C19orf81: variants seen among roughly 807,000 people sequenced by gnomAD.
C19orf81 encodes putative uncharacterized protein C19orf81.
In C19orf81, 19 loss-of-function variants were observed where a neutral mutation model predicts 22.1. The observed-to-expected ratio is 0.86, with a 90% CI of 0.60 to 1.26. The LOEUF (loss-of-function observed/expected upper bound fraction) is 1.26, where lower values mean the gene tolerates loss of function less well. C19orf81 is among the 50% of genes most tolerant of loss of function. The pLI, the probability that C19orf81 is intolerant of heterozygous loss-of-function variation, is 0.00. For synonymous variants in C19orf81, 108 were observed against 113.1 expected (o/e 0.95, Z 0.29); for missense variants, 287 against 280.7 (o/e 1.02, Z -0.16).
chr19:50,656,374 GCA>G lies in C19orf81; in HGVS notation c.261+31_261+32del, dbSNP rs765432133. 44 of 1,520,924 alleles carry G rather than the reference GCA, an allele frequency of 2.9e-5. No homozygotes were observed. The East Asian group carries it at 7.9e-4, about 27-fold the overall frequency. The allele number at this position is 1,520,924 out of a possible 1,614,324, so 94.2% of individuals were successfully genotyped here. A position where few individuals can be genotyped will look rare whatever the true frequency, so the allele number is the denominator to read the frequency against. On this transcript the variant is annotated intron_variant, in intron 3 of 4. Coordinates refer to ENST00000425202, the MANE Select transcript of C19orf81 (RefSeq NM_001195076.2). ...GAGTGGACCTGTGCCCTTATTTTCT[GCA>G]CAGTTTTGGTGGGGTGATGGGAAGG... is the stretch of plus-strand genomic sequence containing the variant.
chr19:50,653,510 G>A (rs1024397811), intron 1 of C19orf81, among the ~76,000 whole-genome samples: 3 of 152,022 alleles, frequency 2.0e-5, no homozygotes, highest in Admixed American at 6.6e-5. Flanking sequence ...AGGGGATCCC[G>A]TGAAAATGTA....
chr19:50,657,313 C>G (rs1048107444), intron 3 of C19orf81, among the ~76,000 whole-genome samples: 1 of 152,220 alleles, frequency 6.6e-6, no homozygotes, highest in African/African-American at 2.4e-5. Context: ...AAGGGACTCT[C>G]CAGCCTCCCC....
intron 3 of C19orf81, 45 bp downstream of exon 3, chr19:50,656,391 T>C: frequency 6.6e-7 from 1 of 1,506,184 alleles, no homozygotes; most frequent in Non-Finnish European, 8.9e-7. Flanking sequence ...TTTGGTGGGG[T>C]GATGGGAAGG....
intron 1 of C19orf81, among the ~76,000 whole-genome samples, chr19:50,651,796 C>T (rs1377362895): frequency 1.3e-5 from 2 of 151,776 alleles, no homozygotes; most frequent in African/African-American, 4.8e-5. Flanking sequence ...AATTTAATTA[C>T]ACATATACAT....
intron 1 of C19orf81, among the ~76,000 whole-genome samples, chr19:50,654,685 A>G (rs981883825): frequency 6.8e-6 from 1 of 147,002 alleles, no homozygotes; most frequent in African/African-American, 2.5e-5. Flanking sequence ...GCTGAAGTGC[A>G]TTGGTACAAT....
At chr19:50,651,595 T>G (rs554600393) in intron 1 of C19orf81, among the ~76,000 whole-genome samples, 13 of 151,980 alleles carry the variant, frequency 8.6e-5, no homozygotes, top group Non-Finnish European at 1.3e-4. Context: ...ACCAGCTACT[T>G]GGGAGGCTGA....
intron 1 of C19orf81, among the ~76,000 whole-genome samples, chr19:50,651,794 T>C (rs1984883822): frequency 1.3e-5 from 2 of 152,174 alleles, no homozygotes; most frequent in Admixed American, 1.3e-4. Context: ...TTAATTTAAT[T>C]ACACATATAC....
intron 1 of C19orf81, among the ~76,000 whole-genome samples, chr19:50,651,520 C>G (rs1167973863): frequency 6.6e-6 from 1 of 152,106 alleles, no homozygotes; most frequent in East Asian, 1.9e-4. Flanking sequence ...TCTCATTCAT[C>G]TCTTGGTCCC....
rs926674507 is a variant in C19orf81, at chr19:50,653,698, A to G, written c.68-2352A>G. Among the ~76,000 whole-genome samples the G allele has an allele frequency of 4.4e-3, 584 of 134,092 alleles. 6 individuals are homozygous for G. The highest frequency in any genetic ancestry group is 0.019 in the African/African-American group (550 of 29,028). The allele number at this position is 134,092 out of a possible 152,430, so 88.0% of individuals were successfully genotyped here. A position where few individuals can be genotyped will look rare whatever the true frequency, so the allele number is the denominator to read the frequency against. ...TGAGAGACAGCACACACACACACAC[A>G]CACACACACACACACACACACACAC... is the stretch of plus-strand genomic sequence containing the variant. On this transcript the variant is annotated intron_variant, in intron 1 of 4. Coordinates refer to ENST00000425202, the MANE Select transcript of C19orf81 (RefSeq NM_001195076.2).
At chr19:50,658,760 A>T (rs1985063403) in intron 4 of C19orf81, among the ~76,000 whole-genome samples, 187 bp from the exon 5 acceptor site, 1 of 151,916 alleles carries the variant, frequency 6.6e-6, no homozygotes, top group Non-Finnish European at 1.5e-5. Flanking sequence ...CCAGGCTAAG[A>T]GAGCGTAAGG....
intron 3 of C19orf81, among the ~76,000 whole-genome samples, chr19:50,656,674 G>A (rs1462321217): frequency 4.6e-5 from 7 of 152,230 alleles, no homozygotes; most frequent in Admixed American, 2.0e-4. Flanking sequence ...CATGTGTGTC[G>A]GGTGCGGTGG....
At position 50,649,685 on chromosome 19, in the gene C19orf81, C is replaced by T; in HGVS notation, c.67+174C>T. 6 of 743,222 alleles carry T rather than the reference C, an allele frequency of 8.1e-6. No individual in the cohort carries two copies. The Admixed American group carries it at 1.0e-4, about 13-fold the overall frequency. 46.0% of individuals were successfully genotyped at this position (743,222 alleles called of 1,614,324 possible). The stretch of plus-strand genomic sequence containing the variant: ...GAGAGCGGCCCCCTTGGACCTCAAA[C>T]TACATTTCCCATGAGCCTCTGCAGT... On this transcript the variant is annotated intron_variant, in intron 1 of 4. Transcript: ENST00000425202.
chr19:50,655,565 C>T (rs965938059), intron 1 of C19orf81, among the ~76,000 whole-genome samples: 2 of 151,868 alleles, frequency 1.3e-5, no homozygotes, highest in Non-Finnish European at 2.9e-5. Flanking sequence ...AGGAGAATGG[C>T]GTGAACCCGG....
intron 1 of C19orf81, among the ~76,000 whole-genome samples, chr19:50,652,986 A>G (rs188806654): frequency 2.0e-5 from 3 of 152,196 alleles, no homozygotes; most frequent in Admixed American, 2.0e-4. Context: ...GTTAAACAAC[A>G]CTACCTCGGA....
At chr19:50,658,668 G>A in intron 4 of C19orf81, 1 of 362,010 alleles carries the variant, frequency 2.8e-6, no homozygotes, top group Non-Finnish European at 4.9e-6. Context: ...AGGGTAGAGC[G>A]CAGCCTGCAG....
chr19:50,651,085 C>T (rs528333585), intron 1 of C19orf81, among the ~76,000 whole-genome samples: 1 of 152,278 alleles, frequency 6.6e-6, no homozygotes, highest in East Asian at 1.9e-4. Context: ...ATTAGAAAGC[C>T]CCTGGGTCCC....
chr19:50,659,293 G>C lies in C19orf81; in HGVS notation c.*151G>C, dbSNP rs1274839406. On this transcript the variant is annotated 3_prime_UTR_variant, in exon 5 of 5. Coordinates refer to ENST00000425202, the MANE Select transcript of C19orf81 (RefSeq NM_001195076.2). ...TACTGTGAGTTTAATTATAAAGAAT[G>C]ACCTGGTACAAAAGCCATTTCTCTC... 1.7e-6 allele frequency: 1 copy of C among 591,086 alleles called. No homozygotes were observed. The highest frequency in any genetic ancestry group is 2.5e-6 in the Non-Finnish European group (1 of 401,776). 36.6% of individuals were successfully genotyped at this position (591,086 alleles called of 1,614,324 possible).
At chr19:50,655,105 G>A (rs994269553) in intron 1 of C19orf81, among the ~76,000 whole-genome samples, 1 of 152,208 alleles carries the variant, frequency 6.6e-6, no homozygotes, top group Non-Finnish European at 1.5e-5. Flanking sequence ...CTTCATTGGT[G>A]AGAGCATGGT....
intron 4 of C19orf81, chr19:50,658,672 C>T: frequency 2.7e-6 from 1 of 367,112 alleles, no homozygotes; most frequent in Non-Finnish European, 4.9e-6. Flanking sequence ...TAGAGCGCAG[C>T]CTGCAGTCGC....
Sources: allele counts gnomAD v4.1 joint callset (sites outside exome capture counted in the v4.1 genomes callset), GRCh38; gene constraint gnomAD v4.1.1; transcripts MANE v1.5; gene names NCBI Gene and HGNC (gene_info 2026-07-23, HGNC 2026-07-21).